Variants in TXNDC16 observed in about 807,000 individuals in gnomAD.
TXNDC16 encodes the protein thioredoxin domain-containing protein 16.
Under a neutral mutation model 85.6 loss-of-function variants are expected in TXNDC16, and 74 were observed. The ratio of observed to expected loss-of-function variants is 0.86; its 90% CI spans 0.72 to 1.05. TXNDC16 has a LOEUF of 1.05. Ranked by LOEUF, TXNDC16 falls within the 50% of genes least tolerant of loss-of-function variation. The probability of loss-of-function intolerance (pLI) is 0.00; values close to 1 mark genes in which losing one functional copy is unlikely to be tolerated. For missense variants in TXNDC16, 959 were observed against 947.0 expected, an observed-to-expected ratio of 1.01 and a Z score of -0.17; for synonymous variants, 335 against 326.5, an observed-to-expected ratio of 1.03 and a Z score of -0.28.
At chr14:52,528,047 T>G (rs970515269) in intron 6 of TXNDC16, among the ~76,000 whole-genome samples, 2 of 152,194 alleles carry the variant, frequency 1.3e-5, no homozygotes, top group African/African-American at 4.8e-5. Flanking sequence ...TTTCAAATAT[T>G]AACAATTAGT....
At chr14:52,469,255 G>C (rs2035846883) in intron 16 of TXNDC16, among the ~76,000 whole-genome samples, 1 of 151,706 alleles carries the variant, frequency 6.6e-6, no homozygotes, top group Admixed American at 6.6e-5. Context: ...GTTGAGATGG[G>C]AGGATTGCTT....
Position 52,547,933 on chromosome 14 carries a change from C to T in TXNDC16, c.-181-3562G>A, listed in dbSNP as rs553081460. On this transcript the variant is annotated intron_variant, in intron 1 of 20. Coordinates refer to ENST00000281741, the MANE Select transcript of TXNDC16 (RefSeq NM_020784.3). ...TAGTTCTCTGCACGTTAAAATTATACATCTCACTTCCTTGAGTTAGGTATG... is the reference window on the plus strand; with the variant it reads ...TAGTTCTCTGCACGTTAAAATTATATATCTCACTTCCTTGAGTTAGGTATG... 3.3e-4 allele frequency among the ~76,000 whole-genome samples: 50 copies of T among 152,358 alleles called. No individual in the cohort carries two copies. In the South Asian group the frequency reaches 9.9e-3, roughly 30 times the overall value.
intron 1 of TXNDC16, among the ~76,000 whole-genome samples, chr14:52,550,242 C>A (rs1434791609): frequency 6.6e-6 from 1 of 152,130 alleles, no homozygotes; most frequent in Admixed American, 6.5e-5. Flanking sequence ...TCATATTTTG[C>A]AACAAATGGA....
At chr14:52,469,951 A>G (rs2035864464) in intron 16 of TXNDC16, 86 bp downstream of exon 16, 2 of 1,290,208 alleles carry the variant, frequency 1.6e-6, no homozygotes, top group Admixed American at 2.7e-5. Context: ...GAAATTCTCT[A>G]TAATTTAAAA....
rs144497598 is a variant in TXNDC16, at chr14:52,499,223, G to T, written c.757-8218C>A. The stretch of plus-strand genomic sequence containing the variant: ...AGACCTGAAAGTAAAACTCCTAAAA[G>T]AAAACATAGGGGGAAAAGTTTCATG... On this transcript the variant is annotated intron_variant, in intron 9 of 20. Transcript: ENST00000281741. Among the ~76,000 whole-genome samples the T allele has an allele frequency of 2.8e-3, 424 of 152,098 alleles. 1 individual carries two copies. Among genetic ancestry groups the T allele is most frequent in the African/African-American group, 9.7e-3 (402 of 41,520 alleles).
chr14:52,482,357 A>T, intron 13 of TXNDC16, 68 bp from the exon 14 acceptor site: 1 of 1,296,016 alleles, frequency 7.7e-7, no homozygotes, highest in Non-Finnish European at 1.1e-6. Flanking sequence ...CTGATATGTA[A>T]CAAATATACA....
At chr14:52,548,869 C>T (rs565818907) in intron 1 of TXNDC16, among the ~76,000 whole-genome samples, 1 of 152,156 alleles carries the variant, frequency 6.6e-6, no homozygotes, top group Admixed American at 6.5e-5. Context: ...GCAACAAGAG[C>T]AAAACTCCGT....
chr14:52,495,943 A>G (rs2036521523), intron 9 of TXNDC16, among the ~76,000 whole-genome samples: 1 of 151,872 alleles, frequency 6.6e-6, no homozygotes, highest in Admixed American at 6.6e-5. Flanking sequence ...GCGGATCACG[A>G]GGTCAGGAGA....
intron 17 of TXNDC16, 144 bp from the exon 18 acceptor site, chr14:52,455,606 A>G: frequency 1.2e-6 from 1 of 830,376 alleles, no homozygotes; most frequent in Non-Finnish European, 1.9e-6. Context: ...TTCCAGGCAA[A>G]CTTATCTTCT....
In TXNDC16 at chr14:52,455,466, T is replaced by A. The variant is rs199873662; in HGVS notation, c.1704-4A>T. 5 of 1,613,468 alleles carry A rather than the reference T, an allele frequency of 3.1e-6. No homozygotes were observed. The highest frequency in any genetic ancestry group is 3.4e-6 in the Non-Finnish European group (4 of 1,179,808). ...ACTTGCAGCATATTTGGTTGACCTA[T>A]GGAGAAAGGCAGTATTAAAATTCAC... On this transcript the variant is annotated splice_region_variant and splice_polypyrimidine_tract_variant and intron_variant, in intron 17 of 20. Coordinates refer to ENST00000281741, the MANE Select transcript of TXNDC16 (RefSeq NM_020784.3).
chr14:52,483,299 A>T (rs964508811), intron 12 of TXNDC16, among the ~76,000 whole-genome samples: 4 of 152,204 alleles, frequency 2.6e-5, no homozygotes, highest in Non-Finnish European at 5.9e-5. Context: ...CAAAACAGAC[A>T]TAGTCCTGAC....
chr14:52,539,519 G>A (rs553875880), intron 4 of TXNDC16, among the ~76,000 whole-genome samples: 2 of 152,298 alleles, frequency 1.3e-5, no homozygotes, highest in Admixed American at 6.5e-5. Flanking sequence ...GGAATGAAAG[G>A]ACTTTCGCAG....
At chr14:52,519,017 C>T (rs1011080275) in intron 7 of TXNDC16, among the ~76,000 whole-genome samples, 155 bp downstream of exon 7, 6 of 152,082 alleles carry the variant, frequency 3.9e-5, no homozygotes, top group Non-Finnish European at 5.9e-5. Flanking sequence ...CACTGTATTA[C>T]GCTGCCCATT....
chr14:52,546,953 GATT>G (rs1341041656), intron 1 of TXNDC16, among the ~76,000 whole-genome samples: 4 of 152,138 alleles, frequency 2.6e-5, no homozygotes, highest in African/African-American at 9.7e-5. Flanking sequence ...ACATGTACCT[GATT>G]AACTTATAAT....
intron 4 of TXNDC16, among the ~76,000 whole-genome samples, chr14:52,541,899 T>G (rs1403934037): frequency 6.6e-6 from 1 of 152,208 alleles, no homozygotes; most frequent in African/African-American, 2.4e-5. Flanking sequence ...TATAACTTTG[T>G]TCTAAAAATA....
chr14:52,501,176 T>A (rs1471879974), intron 9 of TXNDC16, among the ~76,000 whole-genome samples: 1 of 152,110 alleles, frequency 6.6e-6, no homozygotes, highest in Non-Finnish European at 1.5e-5. Context: ...TTTGACATGA[T>A]CAAAATGACA....
At chr14:52,548,494 G>A (rs1363999567) in intron 1 of TXNDC16, among the ~76,000 whole-genome samples, 6 of 152,024 alleles carry the variant, frequency 3.9e-5, no homozygotes, top group East Asian at 1.9e-4. Context: ...TTGTCAATTC[G>A]CCAACAACCT....
chr14:52,480,624 T>A (rs555808600), intron 14 of TXNDC16, among the ~76,000 whole-genome samples: 1 of 151,664 alleles, frequency 6.6e-6, no homozygotes, highest in Non-Finnish European at 1.5e-5. Context: ...CAATGAGATA[T>A]CACCTTACTC....
intron 16 of TXNDC16, among the ~76,000 whole-genome samples, chr14:52,461,262 AAATT>A (rs1202611837): frequency 2.6e-5 from 4 of 151,900 alleles, no homozygotes; most frequent in South Asian, 2.1e-4. Context: ...AAAAACCTAG[AAATT>A]AATTTTGAAC....
Sources: allele counts gnomAD v4.1 joint callset (sites outside exome capture counted in the v4.1 genomes callset), GRCh38; gene constraint gnomAD v4.1.1; transcripts MANE v1.5; gene names NCBI Gene and HGNC (gene_info 2026-07-23, HGNC 2026-07-21).